Variants in DDX18 observed in about 807,000 individuals in gnomAD.
DDX18 encodes ATP-dependent RNA helicase DDX18.
In DDX18, 23 loss-of-function variants were observed where a neutral mutation model predicts 73.5. The observed-to-expected ratio is 0.31, with a 90% CI of 0.23 to 0.44. The LOEUF is 0.44. Ranked by LOEUF, DDX18 falls within the 20% of genes least tolerant of loss-of-function variation. The probability of loss-of-function intolerance (pLI) is 1.00; values close to 1 mark genes in which losing one functional copy is unlikely to be tolerated. For synonymous variants in DDX18, 268 were observed against 282.7 expected (o/e 0.95, Z 0.52); for missense variants, 753 against 792.9 (o/e 0.95, Z 0.60).
At chr2:117,824,377 T>G in intron 7 of DDX18, 192 bp from the exon 8 acceptor site, 1 of 446,334 alleles carries the variant, frequency 2.2e-6, no homozygotes, top group South Asian at 1.2e-4. Context: ...TTTGTCCATT[T>G]CATCTAAGTC....
At chr2:117,823,382 C>A (rs1206476174) in intron 7 of DDX18, among the ~76,000 whole-genome samples, 1 of 152,122 alleles carries the variant, frequency 6.6e-6, no homozygotes, top group Non-Finnish European at 1.5e-5. Flanking sequence ...CATCTTTTGT[C>A]AGATTTATCT....
At chr2:117,815,927 C>A (rs1679750369) in intron 1 of DDX18, among the ~76,000 whole-genome samples, 1 of 152,126 alleles carries the variant, frequency 6.6e-6, no homozygotes, top group South Asian at 2.1e-4. Flanking sequence ...ACCCAGGCTA[C>A]ATGATATAGC....
intron 7 of DDX18, among the ~76,000 whole-genome samples, chr2:117,822,932 T>TAAC (rs1482620772): frequency 2.6e-5 from 4 of 152,234 alleles, no homozygotes; most frequent in African/African-American, 4.8e-5. Context: ...CAACTCTTTG[T>TAAC]AGAGGCATAT....
rs1199129008 is a variant in DDX18 at position 117,831,500 on chromosome 2, TAAC to T, written c.*779_*781del. 1 of 152,202 alleles carries T rather than the reference TAAC, an allele frequency of 6.6e-6. No homozygotes were observed. Among genetic ancestry groups the T allele is most frequent in the Non-Finnish European group, 1.5e-5 (1 of 68,044 alleles). The allele number at this position is 152,202 out of a possible 1,614,324, so 9.4% of individuals were successfully genotyped here. ...TACTGCATTTCTTCATTTGGTAACA[TAAC>T]AAAGACTTTCATACAAAGAACGATG... On this transcript the variant is annotated 3_prime_UTR_variant, in exon 14 of 14. Transcript: ENST00000263239.
chr2:117,826,273 A>G lies in DDX18; in HGVS notation c.1526A>G (p.Tyr509Cys), dbSNP rs755561399. The change falls in exon 11 of 14, where the codon TAT (tyrosine) becomes TGT (cysteine). Residue 509 changes from tyrosine (Y) to cysteine (C), a missense_variant. By Grantham distance (194) the Tyr-to-Cys change is radical. Around this residue, in one of 3 missense-constraint regions of DDX18, gnomAD observed 402 missense variants for 419.4 expected, o/e 0.96. Transcript: ENST00000263239. ...QYDPPDDPKE[Y>C]IHRVGRTARG... ...GATTTTCTTTCTCCACCAAAGGAAT[A>G]TATTCATCGTGTGGGTAGAACAGCC... The G allele has an allele frequency of 5.6e-6, 9 of 1,613,536 alleles. No individual in the cohort carries two copies. Among genetic ancestry groups the G allele is most frequent in the Non-Finnish European group, 7.6e-6 (9 of 1,179,722 alleles).
At chr2:117,822,392 C>T (rs1679860166) in intron 7 of DDX18, 131 bp downstream of exon 7, 4 of 652,228 alleles carry the variant, frequency 6.1e-6, no homozygotes, top group East Asian at 2.8e-5. Flanking sequence ...CCAATTAACC[C>T]GAAAGGTAAT....
In DDX18 at chr2:117,821,688, C is replaced by T. The variant is rs1247197300; in HGVS notation, c.689C>T (p.Thr230Ile). 1 of 1,613,990 alleles carries T rather than the reference C, an allele frequency of 6.2e-7. No individual in the cohort carries two copies. Among genetic ancestry groups the T allele is most frequent in the Non-Finnish European group, 8.5e-7 (1 of 1,179,916 alleles). ...GCTGCAAAAACAGGCAGTGGTAAAA[C>T]CCTGGCTTTTCTCATCCCTGCAGTT... ...LAAAKTGSGK[T>I]LAFLIPAVEL... is the part of the protein sequence containing the mutation. Residue 230 changes from threonine to isoleucine, a missense_variant, in exon 5 of 14, where the codon ACC (threonine) becomes ATC (isoleucine). Around this residue, in one of 3 missense-constraint regions of DDX18, gnomAD observed 345 missense variants for 352.0 expected, o/e 0.98. Coordinates refer to ENST00000263239, the MANE Select transcript of DDX18 (RefSeq NM_006773.4).
In DDX18 at chr2:117,814,881, CGGTG is replaced by C; in HGVS notation, c.85+21_85+24del. 1 of 1,613,888 alleles carries C rather than the reference CGGTG, an allele frequency of 6.2e-7. No individual in the cohort carries two copies. Among genetic ancestry groups the C allele is most frequent in the South Asian group, 1.1e-5 (1 of 91,074 alleles). The stretch of plus-strand genomic sequence containing the variant: ...TTTCAGGGTGAGATGCGTTGACTCG[CGGTG>C]GCTCAGAAGACCCACGCGCGAGCCC... On this transcript the variant is annotated intron_variant, in intron 1 of 13. Transcript: ENST00000263239.
chr2:117,830,514 T>C, intron 13 of DDX18, 68 bp from the exon 14 acceptor site: 1 of 1,551,254 alleles, frequency 6.4e-7, no homozygotes, highest in Non-Finnish European at 8.7e-7. Context: ...CCGGTTTTTT[T>C]CTCTGTGTAG....
chr2:117,829,544 G>A, intron 13 of DDX18, 78 bp downstream of exon 13: 1 of 1,349,964 alleles, frequency 7.4e-7, no homozygotes, highest in Non-Finnish European at 1.0e-6. Context: ...GCTTTGCAGT[G>A]GATTGGTATG....
chr2:117,824,483 A>C (rs1470125321), intron 7 of DDX18, 86 bp from the exon 8 acceptor site: 1 of 1,191,586 alleles, frequency 8.4e-7, no homozygotes, highest in African/African-American at 1.6e-5. Flanking sequence ...CATTTCTGAT[A>C]TCTCTACCTA....
Position 117,825,614 on chromosome 2 carries a change from T to C in DDX18, c.1521+15T>C, listed in dbSNP as rs754620646. 2.5e-6 allele frequency: 4 copies of C among 1,609,968 alleles called. No homozygotes were observed. Among genetic ancestry groups the C allele is most frequent in the Non-Finnish European group, 3.4e-6 (4 of 1,177,692 alleles). On this transcript the variant is annotated intron_variant, in intron 10 of 13. Coordinates refer to ENST00000263239, the MANE Select transcript of DDX18 (RefSeq NM_006773.4). ...ATGACCCTAAGGTAACTGGCATCTT[T>C]GGAATATCTTCAGAATGACTCTGCA...
intron 4 of DDX18, 49 bp downstream of exon 4, chr2:117,821,345 G>A (rs1192862268): frequency 1.3e-6 from 2 of 1,566,264 alleles, no homozygotes; most frequent in African/African-American, 1.4e-5. Flanking sequence ...TTTAGAACTA[G>A]TAGATGATAA....
intron 2 of DDX18, 84 bp downstream of exon 2, chr2:117,817,812 C>A: frequency 7.1e-7 from 1 of 1,413,014 alleles, no homozygotes; most frequent in Non-Finnish European, 9.6e-7. Context: ...ATTGTGTGCA[C>A]ATGACATGAG....
At chr2:117,825,989 TACTC>T in intron 10 of DDX18, 2 of 402,894 alleles carry the variant, frequency 5.0e-6, no homozygotes, top group Non-Finnish European at 8.8e-6. Context: ...GCACACATAA[TACTC>T]ATTTTATTAG....
intron 2 of DDX18, among the ~76,000 whole-genome samples, chr2:117,819,169 A>G (rs1442636258): frequency 6.6e-6 from 1 of 152,188 alleles, no homozygotes; most frequent in Admixed American, 6.5e-5. Context: ...GAGGGTGGGA[A>G]GAAGCCCTGC....
rs895690694 is a variant in DDX18 at position 117,831,600 on chromosome 2, T to C, written c.*876T>C. The C allele has an allele frequency of 4.6e-5, 7 of 152,224 alleles. No homozygotes were observed. Among genetic ancestry groups the C allele is most frequent in the African/African-American group, 1.7e-4 (7 of 41,462 alleles). 9.4% of individuals were successfully genotyped at this position (152,224 alleles called of 1,614,324 possible). A position where few individuals can be genotyped will look rare whatever the true frequency, so the allele number is the denominator to read the frequency against. On this transcript the variant is annotated 3_prime_UTR_variant, in exon 14 of 14. Coordinates refer to ENST00000263239, the MANE Select transcript of DDX18 (RefSeq NM_006773.4). Reference sequence around the variant, plus strand: ...TAAGCCTTTGCACTCTGTAGAGTACTTAGAAGACAAGGGCAACTTACTTGG... The same window carrying C: ...TAAGCCTTTGCACTCTGTAGAGTACCTAGAAGACAAGGGCAACTTACTTGG...
chr2:117,817,465 C>T lies in DDX18; in HGVS notation c.107C>T (p.Ser36Leu), dbSNP rs762620808. 1.3e-5 allele frequency: 21 copies of T among 1,609,648 alleles called. No homozygotes were observed. The highest frequency in any genetic ancestry group is 8.1e-5 in the African/African-American group (6 of 74,394). The stretch of plus-strand genomic sequence containing the variant: ...ACAGGGGCCTCAAATCTGACCCTAT[C>T]GGAAACTCAAAATGGAGATGTATCT... The part of the protein sequence containing the change: ...KFQGASNLTL[S>L]ETQNGDVSEE... Residue 36 changes from serine (S) to leucine (L), a missense_variant, in exon 2 of 14, where the codon TCG becomes TTG. Coordinates refer to ENST00000263239, the MANE Select transcript of DDX18 (RefSeq NM_006773.4).
chr2:117,822,508 T>C, intron 7 of DDX18: 1 of 382,898 alleles, frequency 2.6e-6, no homozygotes, highest in Non-Finnish European at 4.9e-6. Context: ...GTCCTCCACC[T>C]CTTGCCCATT....
Sources: gnomAD v4.1 joint callset for allele counts (sites outside exome capture counted in the v4.1 genomes callset) on GRCh38, gnomAD v4.1.1 for gene constraint, gnomAD v4.1.1 regional missense constraint, MANE v1.5 for transcripts, NCBI Gene and HGNC (gene_info 2026-07-23, HGNC 2026-07-21) for gene names.